PTCHD4: variants seen among roughly 807,000 people sequenced by gnomAD.
PTCHD4 encodes patched domain containing 4.
Under a neutral mutation model 58.1 loss-of-function variants are expected in PTCHD4, and 33 were observed. That is an observed-to-expected ratio of 0.57 (90% CI 0.43 to 0.76). PTCHD4 has a LOEUF of 0.76. Ranked by LOEUF, PTCHD4 falls within the 30% of genes least tolerant of loss-of-function variation. PTCHD4 has a pLI of 0.00. For synonymous variants in PTCHD4, 478 were observed against 409.6 expected (o/e 1.17, Z -2.02); for missense variants, 1,058 against 1,027.1 (o/e 1.03, Z -0.41).
rs866646108 is a variant in PTCHD4 at position 47,878,581 on chromosome 6, G to A, written c.2254C>T (p.His752Tyr). 9.9e-6 allele frequency: 16 copies of A among 1,613,538 alleles called. No individual in the cohort carries two copies. Among genetic ancestry groups the A allele is most frequent in the Non-Finnish European group, 1.4e-5 (16 of 1,179,726 alleles). ...TQCIKSSLQD[H>Y]GTAILQNVTS... ...ACATTTTGCAAAATGGCTGTCCCAT[G>A]GTCTTGCAAGGAGCTTTTTATACAT... The change falls in exon 5 of 5, where the codon CAT (histidine) becomes TAT (tyrosine). Residue 752 changes from histidine to tyrosine, a missense_variant. Transcript: ENST00000339488.
chr6:48,006,010 A>T (rs191447242), intron 4 of PTCHD4, among the ~76,000 whole-genome samples: 3 of 152,300 alleles, frequency 2.0e-5, no homozygotes, highest in African/African-American at 7.2e-5. Context: ...ATAAAACAAA[A>T]CACAACCAAA....
intron 3 of PTCHD4, among the ~76,000 whole-genome samples, chr6:48,050,489 A>G (rs1764192511): frequency 6.6e-6 from 1 of 152,050 alleles, no homozygotes; most frequent in South Asian, 2.1e-4. Context: ...GTGCTACAGT[A>G]GGAATACTGG....
intron 1 of PTCHD4, among the ~76,000 whole-genome samples, chr6:48,093,534 G>T (rs1765406511): frequency 6.6e-6 from 1 of 151,996 alleles, no homozygotes; most frequent in Non-Finnish European, 1.5e-5. Flanking sequence ...ATTTAAAATA[G>T]ATCAAAGTAG....
Position 47,857,535 on chromosome 6 carries a change from TGA to T in PTCHD4, c.*20766_*20767del, listed in dbSNP as rs201998246. On this transcript the variant is annotated 3_prime_UTR_variant, in exon 5 of 5. Coordinates refer to ENST00000339488, the MANE Select transcript of PTCHD4 (RefSeq NM_001384253.1). ...GGGTAGTACATGAAGTAGTCACAGG[TGA>T]TATCTACATTTCTTTATTGCATTCT... Among the ~76,000 whole-genome samples, 1,031 of 152,178 alleles carry T rather than the reference TGA, an allele frequency of 6.8e-3. 9 individuals are homozygous for T. The highest frequency in any genetic ancestry group is 0.014 in the Middle Eastern group (4 of 294).
At chr6:48,046,560 T>C (rs1405889252) in intron 3 of PTCHD4, among the ~76,000 whole-genome samples, 2 of 151,886 alleles carry the variant, frequency 1.3e-5, no homozygotes, top group Admixed American at 6.6e-5. Flanking sequence ...ATTACTTCCA[T>C]GGACCCTTAT....
At chr6:47,984,938 A>G (rs566773658) in intron 4 of PTCHD4, among the ~76,000 whole-genome samples, 18 of 152,146 alleles carry the variant, frequency 1.2e-4, no homozygotes, top group Non-Finnish European at 2.4e-4. Context: ...TCTATTTATT[A>G]AGATTTTTCT....
At chr6:48,033,450 T>G (rs1326063356) in intron 3 of PTCHD4, among the ~76,000 whole-genome samples, 1 of 151,266 alleles carries the variant, frequency 6.6e-6, no homozygotes, top group Non-Finnish European at 1.5e-5. Context: ...GCAACAGGAG[T>G]GTCACTGTGG....
intron 3 of PTCHD4, among the ~76,000 whole-genome samples, chr6:48,058,481 T>C (rs1297765245): frequency 1.3e-5 from 2 of 152,076 alleles, no homozygotes; most frequent in Admixed American, 6.5e-5. Flanking sequence ...AGAGATGCCA[T>C]TGAAAAAGTT....
At chr6:48,108,631 A>C (rs1326757511) in intron 1 of PTCHD4, among the ~76,000 whole-genome samples, 6 of 151,778 alleles carry the variant, frequency 4.0e-5, no homozygotes, top group Admixed American at 3.3e-4. Context: ...AAATAAAAAT[A>C]AAAACTATTC....
intron 1 of PTCHD4, among the ~76,000 whole-genome samples, chr6:48,082,188 T>C (rs1227361656): frequency 6.6e-6 from 1 of 152,174 alleles, no homozygotes; most frequent in African/African-American, 2.4e-5. Context: ...TTTTCTTCTG[T>C]AGCCAGCAGA....
At chr6:47,978,083 C>G (rs1767761021) in intron 4 of PTCHD4, among the ~76,000 whole-genome samples, 1 of 151,936 alleles carries the variant, frequency 6.6e-6, no homozygotes, top group East Asian at 1.9e-4. Flanking sequence ...TTACTGCTTC[C>G]CTACTCCTCT....
intron 4 of PTCHD4, among the ~76,000 whole-genome samples, chr6:47,911,762 T>C (rs960086479): frequency 6.6e-6 from 1 of 152,094 alleles, no homozygotes; most frequent in African/African-American, 2.4e-5. Flanking sequence ...TTTAAACATG[T>C]GTGTCCAGAG....
At chr6:47,904,945 G>A (rs1334798424) in intron 4 of PTCHD4, among the ~76,000 whole-genome samples, 1 of 151,954 alleles carries the variant, frequency 6.6e-6, no homozygotes, top group African/African-American at 2.4e-5. Context: ...ACATGAAGTG[G>A]TGAAAACATG....
At position 47,894,088 on chromosome 6, in the gene PTCHD4, T is replaced by C. The variant is rs561655181; in HGVS notation, c.899-14152A>G. Among the ~76,000 whole-genome samples, 128 of 152,322 alleles carry C rather than the reference T, an allele frequency of 8.4e-4. 1 individual carries two copies. The South Asian group carries it at 0.017, about 20-fold the overall frequency. ...AGTTGCTGGGCAGCCAGCTGAGTTC[T>C]ATCAGCCCATGGGGCAGGAAGACCC... On this transcript the variant is annotated intron_variant, in intron 4 of 4. Coordinates refer to ENST00000339488, the MANE Select transcript of PTCHD4 (RefSeq NM_001384253.1).
chr6:47,916,897 A>G (rs1765276081), intron 4 of PTCHD4, among the ~76,000 whole-genome samples: 1 of 152,154 alleles, frequency 6.6e-6, no homozygotes, highest in South Asian at 2.1e-4. Context: ...TTGTATTTAC[A>G]TCTTCCTGGG....
chr6:47,863,189 G>A lies in PTCHD4; in HGVS notation c.*15114C>T, dbSNP rs1763474391. Among the ~76,000 whole-genome samples, 2 of 151,814 alleles carry A rather than the reference G, an allele frequency of 1.3e-5. No individual in the cohort carries two copies. Among genetic ancestry groups the A allele is most frequent in the African/African-American group, 4.8e-5 (2 of 41,386 alleles). The stretch of plus-strand genomic sequence containing the variant: ...TGCAGGGGCAGATCAAAATTTTGTT[G>A]AGCCTGAAGTGTATACATTTTTGGA... On this transcript the variant is annotated 3_prime_UTR_variant, in exon 5 of 5. Transcript: ENST00000339488.
At position 47,875,330 on chromosome 6, in the gene PTCHD4, G is replaced by A. The variant is rs1308912848; in HGVS notation, c.*2973C>T. ...CTACCAAAAAAGGTTGGGATTGGGGGTGACCTGCAAGTCATGATCTCATAT... is the reference window on the plus strand; with the variant it reads ...CTACCAAAAAAGGTTGGGATTGGGGATGACCTGCAAGTCATGATCTCATAT... On this transcript the variant is annotated 3_prime_UTR_variant, in exon 5 of 5. Transcript: ENST00000339488. 6.6e-6 allele frequency among the ~76,000 whole-genome samples: 1 copy of A among 151,762 alleles called. No homozygotes were observed. The highest frequency in any genetic ancestry group is 2.1e-4 in the South Asian group (1 of 4,834).
At chr6:47,978,258 T>C (rs1163211157) in intron 4 of PTCHD4, among the ~76,000 whole-genome samples, 1 of 152,134 alleles carries the variant, frequency 6.6e-6, no homozygotes, top group Non-Finnish European at 1.5e-5. Flanking sequence ...TTTCTCCTAA[T>C]ATTAGTCCAA....
intron 4 of PTCHD4, among the ~76,000 whole-genome samples, chr6:47,946,146 A>G (rs1057245941): frequency 1.4e-4 from 21 of 151,972 alleles, no homozygotes; most frequent in African/African-American, 3.1e-4. Flanking sequence ...ATTTCCATCA[A>G]TGTTTCATTT....
Sources: allele counts gnomAD v4.1 joint callset (sites outside exome capture counted in the v4.1 genomes callset), GRCh38; gene constraint gnomAD v4.1.1; transcripts MANE v1.5; gene names NCBI Gene and HGNC (gene_info 2026-07-23, HGNC 2026-07-21).